Variants in RANBP2 observed in about 807,000 individuals in gnomAD.
RANBP2 encodes the protein RAN binding protein 2, also known as E3 SUMO-protein ligase RanBP2.
Under a neutral mutation model 303.6 loss-of-function variants are expected in RANBP2, and 57 were observed. That is an observed-to-expected ratio of 0.19 (90% CI 0.15 to 0.23). RANBP2 has a LOEUF of 0.23. Among genes scored for constraint, RANBP2 ranks in the 10% least tolerant of loss-of-function variants. The probability of loss-of-function intolerance (pLI) is 1.00; values close to 1 mark genes in which losing one functional copy is unlikely to be tolerated. For missense variants in RANBP2, 3,138 were observed against 3,780.8 expected, an observed-to-expected ratio of 0.83 and a Z score of 4.46; for synonymous variants, 1,167 against 1,301.5, an observed-to-expected ratio of 0.90 and a Z score of 2.23.
the RANBP2 span, among the ~76,000 whole-genome samples, chr2:109,390,906 C>T: frequency 1.3e-5 from 2 of 152,192 alleles, no homozygotes; most frequent in South Asian, 2.1e-4. Flanking sequence ...GGCATGAATG[C>T]TGCTGTGGGC....
At chr2:109,621,698 G>A in the RANBP2 span, among the ~76,000 whole-genome samples, 1 of 151,944 alleles carries the variant, frequency 6.6e-6, no homozygotes, top group Non-Finnish European at 1.5e-5. Context: ...TGAATCACGA[G>A]GTTAGGAGTT....
chr2:108,749,152 A>G (rs773074673), intron 9 of RANBP2, 23 bp downstream of exon 9: 12 of 1,611,740 alleles, frequency 7.4e-6, no homozygotes, highest in Non-Finnish European at 1.0e-5. Context: ...TTTCAGAGGA[A>G]ATGGTCTCCG....
At chr2:109,566,491 CAT>C in the RANBP2 span, among the ~76,000 whole-genome samples, 3 of 152,166 alleles carry the variant, frequency 2.0e-5, no homozygotes, top group African/African-American at 7.2e-5. Flanking sequence ...GGAAATTACA[CAT>C]ACACACACCC....
chr2:108,760,409 T>C (rs1330835720), intron 18 of RANBP2, among the ~76,000 whole-genome samples: 9 of 152,204 alleles, frequency 5.9e-5, no homozygotes, highest in Non-Finnish European at 1.3e-4. Flanking sequence ...GAGTTCATGG[T>C]ATCCCATCAC....
intron 24 of RANBP2, among the ~76,000 whole-genome samples, chr2:108,776,205 T>C (rs1045924499): frequency 2.6e-5 from 4 of 152,172 alleles, no homozygotes; most frequent in Non-Finnish European, 5.9e-5. Flanking sequence ...AAGACAATAG[T>C]GTTGTTACAT....
At chr2:109,148,636 G>A in the RANBP2 span, among the ~76,000 whole-genome samples, 1 of 152,204 alleles carries the variant, frequency 6.6e-6, no homozygotes, top group African/African-American at 2.4e-5. Context: ...TAGTCAGGCA[G>A]AAGCCACAGC....
chr2:108,846,945 G>A, the RANBP2 span: 5 of 1,368,336 alleles, frequency 3.7e-6, no homozygotes, highest in Non-Finnish European at 5.1e-6. Flanking sequence ...GCTTTCAATT[G>A]TACTTATGGT....
At chr2:109,299,632 A>C in the RANBP2 span, among the ~76,000 whole-genome samples, 1 of 152,132 alleles carries the variant, frequency 6.6e-6, no homozygotes, top group Non-Finnish European at 1.5e-5. Context: ...GAAACCTTGA[A>C]TTGTAAGGCC....
At chr2:109,710,505 A>T in the RANBP2 span, among the ~76,000 whole-genome samples, 1 of 152,322 alleles carries the variant, frequency 6.6e-6, no homozygotes, top group Admixed American at 6.5e-5. Flanking sequence ...ACTCAAAAGT[A>T]TACCTGGGCC....
At chr2:109,596,477 C>A in the RANBP2 span, among the ~76,000 whole-genome samples, 1 of 151,910 alleles carries the variant, frequency 6.6e-6, no homozygotes, top group African/African-American at 2.4e-5. Flanking sequence ...ATTAGCCGAG[C>A]GTGCTGGCAG....
the RANBP2 span, among the ~76,000 whole-genome samples, chr2:109,394,452 G>A: frequency 6.6e-6 from 1 of 152,130 alleles, no homozygotes; most frequent in Non-Finnish European, 1.5e-5. Context: ...CCCTGCAGAG[G>A]GGCCCCAGAA....
chr2:108,728,661 T>A (rs1468815473), intron 1 of RANBP2, among the ~76,000 whole-genome samples: 1 of 151,880 alleles, frequency 6.6e-6, no homozygotes, highest in Admixed American at 6.6e-5. Flanking sequence ...GGAGTCTCGC[T>A]CTGTCGCCCA....
At chr2:109,447,193 GA>G in the RANBP2 span, among the ~76,000 whole-genome samples, 13 of 120,610 alleles carry the variant, frequency 1.1e-4, no homozygotes, top group South Asian at 2.9e-4. Context: ...AAAGAAAACA[GA>G]AAAAAAAAAC....
chr2:108,954,137 C>T, the RANBP2 span, among the ~76,000 whole-genome samples: 10 of 152,280 alleles, frequency 6.6e-5, no homozygotes, highest in East Asian at 1.4e-3. Flanking sequence ...AATTCCCTCA[C>T]CACCTTCTTA....
At chr2:109,766,249 G>A in the RANBP2 span, among the ~76,000 whole-genome samples, 3 of 151,250 alleles carry the variant, frequency 2.0e-5, no homozygotes, top group Non-Finnish European at 4.4e-5. Context: ...GGGCAGCAGT[G>A]GGGAAGGGGC....
chr2:108,917,810 C>T, the RANBP2 span, among the ~76,000 whole-genome samples: 2 of 152,064 alleles, frequency 1.3e-5, no homozygotes, highest in Non-Finnish European at 1.5e-5. Context: ...TCCCAAAGTG[C>T]CAACCTTGGG....
At chr2:108,991,206 T>C in the RANBP2 span, among the ~76,000 whole-genome samples, 1 of 152,232 alleles carries the variant, frequency 6.6e-6, no homozygotes, top group South Asian at 2.1e-4. Context: ...ACTTGAAGTC[T>C]GCCTAGTCAT....
At chr2:109,154,835 T>G in the RANBP2 span, among the ~76,000 whole-genome samples, 1 of 152,184 alleles carries the variant, frequency 6.6e-6, no homozygotes, top group African/African-American at 2.4e-5. Context: ...AAGCCCCACT[T>G]TCTGCTATGG....
the RANBP2 span, among the ~76,000 whole-genome samples, chr2:109,166,006 T>A: frequency 2.0e-5 from 3 of 152,224 alleles, no homozygotes; most frequent in Non-Finnish European, 4.4e-5. Context: ...CATTTTTCCT[T>A]TTCCCCCAGT....
Sources: gnomAD v4.1 joint callset for allele counts (sites outside exome capture counted in the v4.1 genomes callset) on GRCh38, gnomAD v4.1.1 for gene constraint, MANE v1.5 for transcripts, NCBI Gene and HGNC (gene_info 2026-07-23, HGNC 2026-07-21) for gene names.